Variants in MYO1D observed in about 807,000 individuals in gnomAD.
MYO1D encodes the protein unconventional myosin-Id.
Under a neutral mutation model 122.0 loss-of-function variants are expected in MYO1D, and 83 were observed. The observed-to-expected ratio is 0.68, with a 90% CI of 0.57 to 0.82. The LOEUF (loss-of-function observed/expected upper bound fraction) is 0.82, where lower values mean the gene tolerates loss of function less well. Ranked by LOEUF, MYO1D falls within the 40% of genes least tolerant of loss-of-function variation. MYO1D has a pLI of 0.00. For missense variants in MYO1D, 1,157 were observed against 1,269.5 expected, an observed-to-expected ratio of 0.91 and a Z score of 1.35; for synonymous variants, 464 against 446.9, an observed-to-expected ratio of 1.04 and a Z score of -0.48.
chr17:32,551,742 TC>T (rs1246501221), intron 21 of MYO1D, among the ~76,000 whole-genome samples: 3 of 152,200 alleles, frequency 2.0e-5, no homozygotes, highest in African/African-American at 4.8e-5. Flanking sequence ...TGACCCATTA[TC>T]CTTTCTATTT....
intron 19 of MYO1D, among the ~76,000 whole-genome samples, chr17:32,652,126 T>C (rs544043096): frequency 2.6e-5 from 4 of 152,350 alleles, no homozygotes; most frequent in Admixed American, 1.3e-4. Flanking sequence ...TGTACAGATA[T>C]ATTTGTAGGG....
intron 14 of MYO1D, among the ~76,000 whole-genome samples, chr17:32,732,833 C>T (rs891904464): frequency 4.6e-5 from 7 of 152,336 alleles, no homozygotes; most frequent in South Asian, 4.1e-4. Flanking sequence ...TGTGGCCCTT[C>T]AGGGAGCCCA....
intron 1 of MYO1D, among the ~76,000 whole-genome samples, chr17:32,858,168 T>C (rs965308472): frequency 6.6e-6 from 1 of 152,138 alleles, no homozygotes; most frequent in Non-Finnish European, 1.5e-5. Context: ...ACCTAATGAG[T>C]GAACCTTTAA....
At chr17:32,580,677 G>A (rs1042393439) in intron 21 of MYO1D, among the ~76,000 whole-genome samples, 2 of 152,000 alleles carry the variant, frequency 1.3e-5, no homozygotes, top group Non-Finnish European at 2.9e-5. Context: ...CCAAAGTGCT[G>A]GGATTACAGG....
intron 1 of MYO1D, among the ~76,000 whole-genome samples, chr17:32,867,670 G>T (rs1047564029): frequency 6.6e-6 from 1 of 151,614 alleles, no homozygotes; most frequent in East Asian, 1.9e-4. Flanking sequence ...GGTGGCAGGC[G>T]CCTGTAATCC....
chr17:32,755,847 T>G, intron 10 of MYO1D, 185 bp from the exon 11 acceptor site: 1 of 496,032 alleles, frequency 2.0e-6, no homozygotes, highest in Non-Finnish European at 3.5e-6. Flanking sequence ...TTTAAATTTC[T>G]TTGTTAACTT....
At chr17:32,523,826 G>A (rs1032108708) in intron 21 of MYO1D, among the ~76,000 whole-genome samples, 108 of 149,534 alleles carry the variant, frequency 7.2e-4, no homozygotes, top group African/African-American at 2.6e-3. Flanking sequence ...TGCCAACCCT[G>A]GAGTGAGAGT....
chr17:32,772,964 C>G, intron 4 of MYO1D, 122 bp from the exon 5 acceptor site: 1 of 734,214 alleles, frequency 1.4e-6, no homozygotes, highest in Non-Finnish European at 2.4e-6. Flanking sequence ...ATCCAGATGG[C>G]CTGAAGCAAC....
intron 20 of MYO1D, among the ~76,000 whole-genome samples, chr17:32,631,750 T>C (rs571573125): frequency 6.6e-6 from 1 of 152,300 alleles, no homozygotes; most frequent in Non-Finnish European, 1.5e-5. Flanking sequence ...GAAAATGGTA[T>C]TGTGGTTATG....
At chr17:32,776,206 A>C (rs191986919) in intron 3 of MYO1D, among the ~76,000 whole-genome samples, 177 bp from the exon 4 acceptor site, 81 of 152,348 alleles carry the variant, frequency 5.3e-4, no homozygotes, top group African/African-American at 1.9e-3. Context: ...ATAAAAATAA[A>C]TTTTTGTTTC....
chr17:32,702,146 T>A (rs1409173708), intron 16 of MYO1D, among the ~76,000 whole-genome samples: 1 of 151,992 alleles, frequency 6.6e-6, no homozygotes, highest in East Asian at 1.9e-4. Flanking sequence ...CAGAAAAAAA[T>A]TTTCCCATGA....
chr17:32,844,740 T>C (rs1161459016), intron 1 of MYO1D, among the ~76,000 whole-genome samples: 2 of 151,982 alleles, frequency 1.3e-5, no homozygotes, highest in Non-Finnish European at 2.9e-5. Flanking sequence ...AAACAATGTA[T>C]AATGTAATAT....
chr17:32,709,576 A>C (rs1257013042), intron 16 of MYO1D, among the ~76,000 whole-genome samples: 1 of 152,210 alleles, frequency 6.6e-6, no homozygotes, highest in Non-Finnish European at 1.5e-5. Context: ...CAACATTAAA[A>C]AAAAATTAAT....
chr17:32,680,023 T>C (rs1414108459), intron 16 of MYO1D, among the ~76,000 whole-genome samples: 4 of 124,948 alleles, frequency 3.2e-5, no homozygotes, highest in Admixed American at 1.6e-4. Context: ...TTTGAAGCAA[T>C]TGTGAATGGG....
intron 16 of MYO1D, among the ~76,000 whole-genome samples, chr17:32,661,562 G>T (rs1340529489): frequency 1.3e-5 from 2 of 152,026 alleles, no homozygotes; most frequent in Non-Finnish European, 2.9e-5. Context: ...GGCTTAGGTG[G>T]GAGGATTGCC....
At chr17:32,514,057 G>C (rs755186478) in intron 21 of MYO1D, among the ~76,000 whole-genome samples, 30 of 151,702 alleles carry the variant, frequency 2.0e-4, no homozygotes, top group Non-Finnish European at 4.0e-4. Context: ...GCCTGGCCAA[G>C]ATAGTGAAAC....
At chr17:32,553,367 T>C (rs1309661536) in intron 21 of MYO1D, among the ~76,000 whole-genome samples, 1 of 152,088 alleles carries the variant, frequency 6.6e-6, no homozygotes, top group Non-Finnish European at 1.5e-5. Context: ...GAGGAGGCGA[T>C]ATTTGAAGTG....
chr17:32,629,007 G>A (rs147550181), intron 20 of MYO1D, among the ~76,000 whole-genome samples: 2 of 152,204 alleles, frequency 1.3e-5, no homozygotes, highest in African/African-American at 2.4e-5. Context: ...AACAAATTAC[G>A]GCACCTCCAT....
intron 8 of MYO1D, among the ~76,000 whole-genome samples, chr17:32,764,240 T>C (rs2090031443): frequency 2.0e-5 from 3 of 152,060 alleles, no homozygotes; most frequent in South Asian, 4.1e-4. Context: ...AAGCAGAGAA[T>C]AGAATGGTGA....
Sources: gnomAD v4.1 joint callset for allele counts (sites outside exome capture counted in the v4.1 genomes callset) on GRCh38, gnomAD v4.1.1 for gene constraint, MANE v1.5 for transcripts, NCBI Gene and HGNC (gene_info 2026-07-23, HGNC 2026-07-21) for gene names.